Variants in SNTG1 observed in about 807,000 individuals in gnomAD.
SNTG1 encodes the protein gamma-1-syntrophin.
In SNTG1, 39 loss-of-function variants were observed where a neutral mutation model predicts 74.7. That is an observed-to-expected ratio of 0.52 (90% CI 0.40 to 0.68). The LOEUF (loss-of-function observed/expected upper bound fraction) is 0.68. Among genes scored for constraint, SNTG1 ranks in the 30% least tolerant of loss-of-function variants. The pLI is 0.00. For synonymous variants in SNTG1, 254 were observed against 217.1 expected, an observed-to-expected ratio of 1.17 and a Z score of -1.49; for missense variants, 685 against 609.5, an observed-to-expected ratio of 1.12 and a Z score of -1.30.
chr8:50,209,113 C>G (rs1207515729), intron 2 of SNTG1, among the ~76,000 whole-genome samples: 1 of 152,158 alleles, frequency 6.6e-6, no homozygotes, highest in Non-Finnish European at 1.5e-5. Context: ...CCCATGGAGC[C>G]TCACTCACTG....
intron 18 of SNTG1, among the ~76,000 whole-genome samples, chr8:50,791,656 C>T (rs1052829858): frequency 1.3e-5 from 2 of 151,668 alleles, no homozygotes; most frequent in Admixed American, 1.3e-4. Context: ...AATTATAATT[C>T]TAAATTCTTT....
intron 15 of SNTG1, among the ~76,000 whole-genome samples, chr8:50,670,928 A>G (rs2095278461): frequency 6.6e-6 from 1 of 151,682 alleles, no homozygotes; most frequent in South Asian, 2.1e-4. Context: ...ACCTGAGAAA[A>G]ACAAGCAATG....
At chr8:50,744,985 A>C (rs1046063710) in intron 17 of SNTG1, among the ~76,000 whole-genome samples, 4 of 152,022 alleles carry the variant, frequency 2.6e-5, no homozygotes, top group African/African-American at 9.7e-5. Context: ...CATTACTTTA[A>C]ATTTGGCAAT....
chr8:50,213,104 A>G (rs1337955963), intron 2 of SNTG1, among the ~76,000 whole-genome samples: 1 of 152,218 alleles, frequency 6.6e-6, no homozygotes, highest in Non-Finnish European at 1.5e-5. Context: ...CCTATGAAAG[A>G]GTAGACACAC....
chr8:50,307,495 A>C (rs986754201), intron 2 of SNTG1, among the ~76,000 whole-genome samples: 1 of 151,880 alleles, frequency 6.6e-6, no homozygotes, highest in Non-Finnish European at 1.5e-5. Context: ...TGTTTCAAGG[A>C]ATTTTCTATT....
intron 1 of SNTG1, among the ~76,000 whole-genome samples, chr8:49,977,486 C>A (rs1351247173): frequency 6.6e-6 from 1 of 152,126 alleles, no homozygotes; most frequent in Non-Finnish European, 1.5e-5. Context: ...TAGATCTCAT[C>A]TTTATATACT....
chr8:50,759,074 A>T (rs1231260881), intron 18 of SNTG1, among the ~76,000 whole-genome samples: 1 of 152,088 alleles, frequency 6.6e-6, no homozygotes, highest in Middle Eastern at 3.4e-3. Context: ...GAAGATGAGC[A>T]TTTTTTCATG....
chr8:50,257,903 C>T (rs1219865973), intron 2 of SNTG1, among the ~76,000 whole-genome samples: 2 of 152,080 alleles, frequency 1.3e-5, no homozygotes, highest in African/African-American at 4.8e-5. Flanking sequence ...TAATGGAAGC[C>T]GACAGCTAGG....
At chr8:49,938,619 C>CTTTCTTTCTTTCTTTCTTTCTTTG (rs1808385119) in intron 1 of SNTG1, among the ~76,000 whole-genome samples, 1 of 41,040 alleles carries the variant, frequency 2.4e-5, no homozygotes, top group Non-Finnish European at 4.9e-5. Context: ...TTCTTTCTTT[C>CTTTCTTTCTTTCTTTCTTTCTTTG]TTTCTTTCTT....
At chr8:50,639,349 C>A (rs967740482) in intron 13 of SNTG1, among the ~76,000 whole-genome samples, 1 of 151,860 alleles carries the variant, frequency 6.6e-6, no homozygotes, top group African/African-American at 2.4e-5. Context: ...ATTTGCATCC[C>A]TTCATATGCT....
chr8:50,063,366 T>C (rs2130950795), intron 1 of SNTG1, among the ~76,000 whole-genome samples: 1 of 152,354 alleles, frequency 6.6e-6, no homozygotes, highest in Admixed American at 6.5e-5. Flanking sequence ...TTTACTGTCA[T>C]GTATCTTCTA....
chr8:50,233,652 A>C (rs1188476764), intron 2 of SNTG1, among the ~76,000 whole-genome samples: 1 of 151,610 alleles, frequency 6.6e-6, no homozygotes, highest in Non-Finnish European at 1.5e-5. Context: ...TTCAAACCAC[A>C]AACCTGATAA....
chr8:50,335,682 T>A (rs1470003662), intron 2 of SNTG1, among the ~76,000 whole-genome samples: 1 of 152,122 alleles, frequency 6.6e-6, no homozygotes, highest in Non-Finnish European at 1.5e-5. Flanking sequence ...CTCCTGTGAT[T>A]AGACTGTGTC....
At chr8:50,127,218 G>A (rs545879493) in intron 1 of SNTG1, among the ~76,000 whole-genome samples, 26 of 152,182 alleles carry the variant, frequency 1.7e-4, no homozygotes, top group African/African-American at 5.5e-4. Context: ...TCTTCAGACC[G>A]ACACATGAGG....
intron 1 of SNTG1, among the ~76,000 whole-genome samples, chr8:49,992,357 G>A (rs1813771524): frequency 2.6e-5 from 4 of 152,128 alleles, no homozygotes. Flanking sequence ...CCACCACCGG[G>A]CACTAACTTG....
At chr8:50,616,882 C>A (rs78276582) in intron 13 of SNTG1, among the ~76,000 whole-genome samples, 1 of 152,292 alleles carries the variant, frequency 6.6e-6, no homozygotes, top group Admixed American at 6.5e-5. Flanking sequence ...TCCTCCGTCA[C>A]GCAAGCCCCA....
At chr8:50,655,976 C>T (rs916100783) in intron 13 of SNTG1, among the ~76,000 whole-genome samples, 1 of 152,024 alleles carries the variant, frequency 6.6e-6, no homozygotes, top group Non-Finnish European at 1.5e-5. Flanking sequence ...ATGGCAAAAG[C>T]ACAAGATACT....
intron 2 of SNTG1, among the ~76,000 whole-genome samples, chr8:50,392,277 C>T (rs1384630708): frequency 6.6e-6 from 1 of 152,146 alleles, no homozygotes; most frequent in African/African-American, 2.4e-5. Flanking sequence ...ATTTATGAAT[C>T]ATGGCAGCAT....
chr8:50,549,814 C>A (rs1304922260), intron 11 of SNTG1, among the ~76,000 whole-genome samples: 1 of 152,162 alleles, frequency 6.6e-6, no homozygotes, highest in East Asian at 1.9e-4. Context: ...CTGCCCCAAC[C>A]AAGCCGTTCC....
Sources: gnomAD v4.1 joint callset for allele counts (sites outside exome capture counted in the v4.1 genomes callset) on GRCh38, gnomAD v4.1.1 for gene constraint, MANE v1.5 for transcripts, NCBI Gene and HGNC (gene_info 2026-07-23, HGNC 2026-07-21) for gene names.